Variants in XRN1 observed in about 807,000 individuals in gnomAD.
XRN1 encodes the protein 5'-3' exoribonuclease 1.
Under a neutral mutation model 222.3 loss-of-function variants are expected in XRN1, and 67 were observed. The observed-to-expected ratio is 0.30, with a 90% CI of 0.25 to 0.37. XRN1 has a LOEUF of 0.37. Ranked by LOEUF, XRN1 falls within the 10% of genes least tolerant of loss-of-function variation. The pLI is 1.00. For synonymous variants in XRN1, 643 were observed against 652.4 expected (o/e 0.99, Z 0.22); for missense variants, 1,707 against 2,000.2 (o/e 0.85, Z 2.80).
intron 3 of XRN1, among the ~76,000 whole-genome samples, chr3:142,426,222 T>C (rs1245215814): frequency 6.6e-6 from 1 of 152,166 alleles, no homozygotes; most frequent in Non-Finnish European, 1.5e-5. Context: ...TAGACAAAGG[T>C]TGTAGAAGTA....
At chr3:142,426,614 A>C in intron 3 of XRN1, 130 bp downstream of exon 3, 1 of 796,122 alleles carries the variant, frequency 1.3e-6, no homozygotes, top group Non-Finnish European at 1.9e-6. Flanking sequence ...GAGCAAACAT[A>C]AGTGGGAAAA....
At chr3:142,354,322 T>A (rs1246199647) in intron 32 of XRN1, among the ~76,000 whole-genome samples, 1 of 152,188 alleles carries the variant, frequency 6.6e-6, no homozygotes, top group Non-Finnish European at 1.5e-5. Flanking sequence ...TATAAACTCC[T>A]GGTAGGAATG....
In XRN1 at chr3:142,316,055, TACAA is replaced by T. The variant is rs1009378611; in HGVS notation, c.4621+2533_4621+2536del. ...GTACATTACATCATTTGTTTAAATATACAAACAGTGTTATCTATTTGTGGTATGT... is the reference window on the plus strand; with the variant it reads ...GTACATTACATCATTTGTTTAAATATACAGTGTTATCTATTTGTGGTATGT... On this transcript the variant is annotated intron_variant, in intron 39 of 40. Coordinates refer to ENST00000392981, the MANE Select transcript of XRN1 (RefSeq NM_001282857.2). Among the ~76,000 whole-genome samples the T allele has an allele frequency of 2.6e-5, 4 of 152,298 alleles. No homozygotes were observed. In the South Asian group the frequency reaches 6.2e-4, roughly 24 times the overall value.
chr3:142,407,775 T>G (rs1438495825), intron 15 of XRN1: 1 of 152,052 alleles, frequency 6.6e-6, no homozygotes, highest in Non-Finnish European at 1.5e-5. Context: ...GAGCACTGTC[T>G]TTTTTTAAAC....
intron 28 of XRN1, 28 bp from the exon 29 acceptor site, chr3:142,365,207 A>C: frequency 6.3e-7 from 1 of 1,585,240 alleles, no homozygotes. Context: ...ATTAATTATA[A>C]TAAACAAAAA....
chr3:142,404,878 G>A, intron 16 of XRN1, 29 bp downstream of exon 16: 1 of 1,612,102 alleles, frequency 6.2e-7, no homozygotes, highest in Non-Finnish European at 8.5e-7. Context: ...GCGCTCTTTT[G>A]TTGTTGAAAA....
chr3:142,404,039 A>T, intron 16 of XRN1, 50 bp from the exon 17 acceptor site: 1 of 1,443,930 alleles, frequency 6.9e-7, no homozygotes, highest in Non-Finnish European at 9.6e-7. Flanking sequence ...ATTACAAACA[A>T]TTACAGTTTT....
At chr3:142,370,351 A>T in intron 27 of XRN1, 134 bp downstream of exon 27, 1 of 1,150,854 alleles carries the variant, frequency 8.7e-7, no homozygotes, top group Non-Finnish European at 1.2e-6. Flanking sequence ...TTTTTAAATT[A>T]CAGGATTATT....
rs769414763 is a variant in XRN1, at chr3:142,370,521, A to G, written c.3168T>C (p.Ile1056=). 1.2e-5 allele frequency: 20 copies of G among 1,607,268 alleles called. No individual in the cohort carries two copies. In the Admixed American group the frequency reaches 3.4e-4, roughly 27 times the overall value. ...CGACTTCTTCCTCAATTTTCTCAACAATAGCTGCATCCAGAATTTGTAAAT... is the reference window on the plus strand; with the variant it reads ...CGACTTCTTCCTCAATTTTCTCAACGATAGCTGCATCCAGAATTTGTAAAT... The part of the protein sequence containing the change: ...SCDLQILDAA[I]VEKIEEEVEK... The change falls in exon 27 of 41, where the codon ATT becomes ATC. Residue 1056 remains isoleucine, a synonymous_variant. Transcript: ENST00000392981.
At chr3:142,355,023 T>C (rs1034468180) in intron 32 of XRN1, among the ~76,000 whole-genome samples, 1 of 149,260 alleles carries the variant, frequency 6.7e-6, no homozygotes, top group Non-Finnish European at 1.5e-5. Flanking sequence ...GAGCTAAGCA[T>C]TGGGGACACA....
chr3:142,399,023 A>C lies in XRN1; in HGVS notation c.2207+1421T>G, dbSNP rs776420341. Among the ~76,000 whole-genome samples, 17 of 152,228 alleles carry C rather than the reference A, an allele frequency of 1.1e-4. No individual in the cohort carries two copies. In the East Asian group the frequency reaches 1.3e-3, roughly 12 times the overall value. The stretch of plus-strand genomic sequence containing the variant: ...GTACCTGATCAGTATGATGAAAAAA[A>C]CCAAAACAATGATGAGAGAAATCAA... On this transcript the variant is annotated intron_variant, in intron 19 of 40. Transcript: ENST00000392981.
At chr3:142,379,904 A>G (rs2067252030) in intron 23 of XRN1, among the ~76,000 whole-genome samples, 178 bp downstream of exon 23, 1 of 152,166 alleles carries the variant, frequency 6.6e-6, no homozygotes, top group African/African-American at 2.4e-5. Flanking sequence ...AAAGATCTAC[A>G]TGAAGTTTTG....
chr3:142,355,612 C>CTT, intron 31 of XRN1, 116 bp from the exon 32 acceptor site: 8 of 585,260 alleles, frequency 1.4e-5, no homozygotes, highest in East Asian at 3.8e-5. Context: ...GATATTAAAC[C>CTT]TTTTTTTTTT....
intron 20 of XRN1, among the ~76,000 whole-genome samples, chr3:142,385,616 C>T (rs891491052): frequency 2.0e-5 from 3 of 152,158 alleles, no homozygotes; most frequent in Non-Finnish European, 4.4e-5. Flanking sequence ...GTAAAGTCTA[C>T]AAAGCCTAAA....
chr3:142,428,366 G>C (rs12495747), intron 2 of XRN1, among the ~76,000 whole-genome samples: 6 of 133,034 alleles, frequency 4.5e-5, no homozygotes, highest in Admixed American at 3.4e-4. Flanking sequence ...CTGCACTCCA[G>C]CTTGGGCGAG....
chr3:142,360,287 GAA>G (rs1018323431), intron 29 of XRN1, among the ~76,000 whole-genome samples: 113 of 152,038 alleles, frequency 7.4e-4, no homozygotes, highest in African/African-American at 2.5e-3. Flanking sequence ...ATATCATAGA[GAA>G]TATATTATTT....
At chr3:142,312,466 T>C (rs754936522) in intron 40 of XRN1, 132 bp downstream of exon 40, 10 of 849,854 alleles carry the variant, frequency 1.2e-5, no homozygotes, top group African/African-American at 1.7e-5. Flanking sequence ...TTGTCAACCA[T>C]TGCCTTCTTA....
chr3:142,389,481 T>C (rs1428199877), intron 20 of XRN1, among the ~76,000 whole-genome samples: 1 of 152,154 alleles, frequency 6.6e-6, no homozygotes, highest in Non-Finnish European at 1.5e-5. Context: ...GCATCTATAA[T>C]AGTGAATCCT....
chr3:142,374,512 AT>A (rs1190353714), intron 25 of XRN1, among the ~76,000 whole-genome samples: 2 of 152,204 alleles, frequency 1.3e-5, no homozygotes, highest in African/African-American at 4.8e-5. Context: ...AACTGTGAAC[AT>A]TTACTTCATC....
Sources: allele counts gnomAD v4.1 joint callset (sites outside exome capture counted in the v4.1 genomes callset), GRCh38; gene constraint gnomAD v4.1.1; transcripts MANE v1.5; gene names NCBI Gene and HGNC (gene_info 2026-07-23, HGNC 2026-07-21).